The following RPTOR variants were observed in gnomAD, a reference collection of about 807,000 sequenced individuals.
The protein encoded by RPTOR is regulatory associated protein of MTOR complex 1.
In RPTOR, 21 loss-of-function variants were observed where a neutral mutation model predicts 169.9. The ratio of observed to expected loss-of-function variants is 0.12; its 90% confidence interval spans 0.09 to 0.18. The LOEUF is 0.18. Among genes scored for constraint, RPTOR ranks in the 10% least tolerant of loss-of-function variants. The pLI is 1.00. For synonymous variants in RPTOR, 732 were observed against 753.2 expected, an observed-to-expected ratio of 0.97 and a Z score of 0.46; for missense variants, 1,133 against 1,855.9, an observed-to-expected ratio of 0.61 and a Z score of 7.16.
At chr17:80,704,248 G>T (rs922996132) in intron 3 of RPTOR, among the ~76,000 whole-genome samples, 2 of 152,210 alleles carry the variant, frequency 1.3e-5, no homozygotes, top group African/African-American at 4.8e-5. Context: ...CCAAGGTCGT[G>T]ACAGCTGAAT....
intron 13 of RPTOR, among the ~76,000 whole-genome samples, chr17:80,870,880 T>C (rs1374256871): frequency 6.6e-6 from 1 of 152,262 alleles, no homozygotes; most frequent in Non-Finnish European, 1.5e-5. Flanking sequence ...CAACAGTCAA[T>C]GAACTTATGT....
At chr17:80,643,411 G>C (rs1035720715) in intron 2 of RPTOR, among the ~76,000 whole-genome samples, 5 of 152,224 alleles carry the variant, frequency 3.3e-5, no homozygotes, top group African/African-American at 1.2e-4. Flanking sequence ...CTCAGAGAAA[G>C]CCTGAGCAGG....
chr17:80,892,998 G>T (rs2068345442), intron 19 of RPTOR, 129 bp downstream of exon 19: 1 of 1,139,094 alleles, frequency 8.8e-7, no homozygotes, highest in South Asian at 1.5e-5. Context: ...AGTCCCATCT[G>T]CCAACATGGT....
At chr17:80,685,650 T>TTTTTA (rs2065941099) in intron 3 of RPTOR, among the ~76,000 whole-genome samples, 4 of 93,234 alleles carry the variant, frequency 4.3e-5, no homozygotes, top group African/African-American at 1.6e-4. Flanking sequence ...TTTTTTTTTT[T>TTTTTA]TTTTTTTGCT....
chr17:80,959,139 G>A lies in RPTOR; in HGVS notation c.3478-939G>A, dbSNP rs547377525. Among the ~76,000 whole-genome samples the A allele has an allele frequency of 2.0e-4, 31 of 152,352 alleles. No homozygotes were observed. The highest frequency in any genetic ancestry group is 7.2e-4 in the African/African-American group (30 of 41,578). Reference sequence around the variant, plus strand: ...GCAGCAGCCCGAGAACCTGGCCCAGGCCTTCCCGTGTGGGCAGCCTCCCCT... The same window carrying A: ...GCAGCAGCCCGAGAACCTGGCCCAGACCTTCCCGTGTGGGCAGCCTCCCCT... On this transcript the variant is annotated intron_variant, in intron 29 of 33. Transcript: ENST00000306801. The surrounding 1 kb of genome is among the most constrained non-coding windows in gnomAD (Gnocchi z 6.7).
chr17:80,594,124 C>T (rs772325994), intron 1 of RPTOR, among the ~76,000 whole-genome samples: 1 of 151,966 alleles, frequency 6.6e-6, no homozygotes, highest in Non-Finnish European at 1.5e-5. Flanking sequence ...GACAGAGTCT[C>T]GCTCTATCAC....
In RPTOR at chr17:80,651,005, G is replaced by A. The variant is rs563189235; in HGVS notation, c.348+7195G>A. Among the ~76,000 whole-genome samples, 108 of 152,326 alleles carry A rather than the reference G, an allele frequency of 7.1e-4. No homozygotes were observed. The highest frequency in any genetic ancestry group is 2.6e-3 in the African/African-American group (107 of 41,562). The stretch of plus-strand genomic sequence containing the variant: ...GTTCCCTTTAACAAGGGAGTTGTCT[G>A]TGTGTATGACAAATTGCAAATGAGG... On this transcript the variant is annotated intron_variant, in intron 3 of 33. Coordinates refer to ENST00000306801, the MANE Select transcript of RPTOR (RefSeq NM_020761.3). This position sits in a 1 kb window ranked among gnomAD's most constrained non-coding sequence, Gnocchi z 4.1.
At chr17:80,923,778 G>A (rs765594239) in intron 23 of RPTOR, 105 bp downstream of exon 23, 1 of 1,280,254 alleles carries the variant, frequency 7.8e-7, no homozygotes. Flanking sequence ...ATGGGATGGG[G>A]CAGGACCCAC....
At chr17:80,923,891 G>C in intron 23 of RPTOR, 1 of 564,196 alleles carries the variant, frequency 1.8e-6, no homozygotes, top group East Asian at 3.0e-5. Flanking sequence ...GCACTGCTGG[G>C]TGTGTCCCGG....
rs1447828890 is a variant in RPTOR, at chr17:80,838,010, A to G, written c.1212+13A>G. 6.2e-7 allele frequency: 1 copy of G among 1,604,092 alleles called. No individual in the cohort carries two copies. Among genetic ancestry groups the G allele is most frequent in the Non-Finnish European group, 8.5e-7 (1 of 1,174,808 alleles). On this transcript the variant is annotated intron_variant, in intron 10 of 33. Transcript: ENST00000306801. ...CACTGCGTTTCGGGTGAGTCCCTCC[A>G]AGGGCACCCTGTGCATCCGCGGCGG... is the stretch of plus-strand genomic sequence containing the variant.
At chr17:80,813,332 C>T (rs1567926038) in intron 7 of RPTOR, among the ~76,000 whole-genome samples, 1 of 152,248 alleles carries the variant, frequency 6.6e-6, no homozygotes, top group South Asian at 2.1e-4. Context: ...AGTATTTTCA[C>T]TGGTTTCACG....
intron 10 of RPTOR, among the ~76,000 whole-genome samples, chr17:80,841,680 TCACC>T (rs1417490463): frequency 1.0e-5 from 1 of 98,656 alleles, no homozygotes; most frequent in African/African-American, 4.3e-5. Context: ...CAGCTCACAC[TCACC>T]GCACGGCATC....
At chr17:80,836,165 G>A (rs563541864) in intron 9 of RPTOR, among the ~76,000 whole-genome samples, 1 of 152,352 alleles carries the variant, frequency 6.6e-6, no homozygotes, top group South Asian at 2.1e-4. Flanking sequence ...GGGCGAGGCA[G>A]CGAGGCAGGC....
intron 1 of RPTOR, among the ~76,000 whole-genome samples, chr17:80,577,783 C>T (rs8071934): frequency 0.39 from 59,701 of 152,074 alleles, 11,903 homozygotes; most frequent in Middle Eastern, 0.5. Flanking sequence ...GGCCTTGGAC[C>T]TGCAGCCTTC....
intron 5 of RPTOR, among the ~76,000 whole-genome samples, chr17:80,745,263 G>T (rs2066560949): frequency 1.3e-5 from 2 of 152,180 alleles, no homozygotes; most frequent in South Asian, 4.1e-4. Flanking sequence ...TAGCTAAATG[G>T]CTTTGAAATA....
intron 11 of RPTOR, among the ~76,000 whole-genome samples, chr17:80,849,239 T>C (rs1053335660): frequency 3.9e-5 from 6 of 152,182 alleles, no homozygotes. Flanking sequence ...AAAACATCAC[T>C]TAAGGGAAAG....
rs1403085183 is a variant in RPTOR at position 80,883,897 on chromosome 17, C to T, written c.1767C>T (p.Asp589=). The part of the protein sequence containing the change: ...ICLGRIWQNF[D]SARWCGVRDS... The stretch of plus-strand genomic sequence containing the variant: ...TCGGCAGGATCTGGCAGAACTTCGA[C>T]TCGGCGAGGTGGTGCGGCGTGAGGG... The change falls in exon 16 of 34, where the codon GAC becomes GAT. Residue 589 remains aspartate, a synonymous_variant. Transcript: ENST00000306801. 2.5e-6 allele frequency: 4 copies of T among 1,613,552 alleles called. No individual in the cohort carries two copies. The African/African-American group carries it at 4.0e-5, about 16-fold the overall frequency.
At chr17:80,953,341 C>T (rs2069206767) in intron 28 of RPTOR, among the ~76,000 whole-genome samples, 1 of 152,266 alleles carries the variant, frequency 6.6e-6, no homozygotes. Context: ...ACCATCACGG[C>T]TCACTGCAGC....
chr17:80,870,956 C>T (rs1269272190), intron 13 of RPTOR, among the ~76,000 whole-genome samples: 1 of 152,314 alleles, frequency 6.6e-6, no homozygotes, highest in East Asian at 1.9e-4. Flanking sequence ...TTTTCTGTCC[C>T]AGGATCCCAC....
Sources: allele counts gnomAD v4.1 joint callset (sites outside exome capture counted in the v4.1 genomes callset), GRCh38; gene constraint gnomAD v4.1.1; non-coding constraint Gnocchi (gnomAD v3.1); transcripts MANE v1.5; gene names NCBI Gene and HGNC (gene_info 2026-07-23, HGNC 2026-07-21).